The following NOTCH1 variants were observed in gnomAD, a reference collection of about 807,000 sequenced individuals.
NOTCH1 encodes the protein notch receptor 1.
Under a neutral mutation model 254.8 loss-of-function variants are expected in NOTCH1, and 37 were observed. The ratio of observed to expected loss-of-function variants is 0.15; its 90% CI spans 0.11 to 0.19. The LOEUF is 0.19. NOTCH1 is among the 10% of genes least tolerant of loss of function. NOTCH1 has a pLI of 1.00. For synonymous variants in NOTCH1, 1,731 were observed against 1,618.1 expected, an observed-to-expected ratio of 1.07 and a Z score of -1.68; for missense variants, 2,972 against 3,708.6, an observed-to-expected ratio of 0.80 and a Z score of 5.16.
At chr9:136,514,460 C>T (rs2133360145) in intron 13 of NOTCH1, 50 bp downstream of exon 13, 1 of 1,532,246 alleles carries the variant, frequency 6.5e-7, no homozygotes. Flanking sequence ...GGCAGCAGAG[C>T]TCCCAGGGTT....
At chr9:136,521,977 C>CTT (rs60668167) in intron 4 of NOTCH1, among the ~76,000 whole-genome samples, 25 of 141,046 alleles carry the variant, frequency 1.8e-4, no homozygotes, top group South Asian at 4.5e-4. Context: ...TTTCTCTTCA[C>CTT]TTTTTTTTTT....
In NOTCH1 at chr9:136,518,658, G is replaced by A. The variant is rs750045502; in HGVS notation, c.1032C>T (p.Cys344=). 1.9e-6 allele frequency: 3 copies of A among 1,612,204 alleles called. No individual in the cohort carries two copies. The highest frequency in any genetic ancestry group is 2.2e-5 in the East Asian group (1 of 44,868). The change falls in exon 6 of 34, where the codon TGC becomes TGT. Residue 344 remains cysteine (C), a synonymous_variant. Transcript: ENST00000651671. ...ENIDDCASAA[C]FHGATCHDRV... ...GGTCATGGCAGGTGGCGCCGTGGAA[G>A]CAGGCGGCGCTGGCACAGTCATCAA...
At chr9:136,499,670 C>T (rs1308005995) in intron 31 of NOTCH1, among the ~76,000 whole-genome samples, 2 of 115,314 alleles carry the variant, frequency 1.7e-5, no homozygotes, top group East Asian at 1.7e-3. Context: ...CGGCTCTGCC[C>T]AGAGAGGGGG....
Position 136,496,456 on chromosome 9 carries a change from T to A in NOTCH1, c.7283A>T (p.His2428Leu), listed in dbSNP as rs1362972799. 6.2e-7 allele frequency: 1 copy of A among 1,600,386 alleles called. No individual in the cohort carries two copies. The highest frequency in any genetic ancestry group is 1.1e-5 in the South Asian group (1 of 91,074). The change falls in exon 34 of 34, where the codon CAC (histidine) becomes CTC (leucine). Residue 2428 changes from histidine (H) to leucine (L), a missense_variant. By Grantham distance (99) the His-to-Leu change is moderately conservative. This residue lies in a region of NOTCH1 where 529 missense variants were observed against 529.2 expected (regional missense o/e 1.00). Transcript: ENST00000651671. ...HLGVSSAASG[H>L]LGRSFLSGEP... ...TCCACTCAGGAAGCTCCGGCCCAGG[T>A]GGCCGCTGGCTGCTGAGCTCACGCC...
chr9:136,524,384 G>A (rs1843425708), intron 2 of NOTCH1, among the ~76,000 whole-genome samples: 1 of 152,220 alleles, frequency 6.6e-6, no homozygotes, highest in African/African-American at 2.4e-5. Context: ...AACCCAGCTT[G>A]GACTCCACAG....
At chr9:136,505,247 G>C in intron 25 of NOTCH1, 63 bp downstream of exon 25, 1 of 1,535,548 alleles carries the variant, frequency 6.5e-7, no homozygotes, top group Non-Finnish European at 8.8e-7. Flanking sequence ...TGGCCTCCGG[G>C]CCCAAGCCAG....
intron 2 of NOTCH1, chr9:136,543,261 C>A: frequency 5.1e-6 from 1 of 195,144 alleles, no homozygotes; most frequent in Non-Finnish European, 1.1e-5. Flanking sequence ...CAGGAAGTAT[C>A]ACCTGTGCCT....
At chr9:136,541,855 T>C (rs528010067) in intron 2 of NOTCH1, among the ~76,000 whole-genome samples, 4 of 152,306 alleles carry the variant, frequency 2.6e-5, no homozygotes, top group African/African-American at 9.6e-5. Flanking sequence ...CATCTTCTCG[T>C]TGGACTTGTG....
At chr9:136,524,071 C>A in intron 2 of NOTCH1, 92 bp from the exon 3 acceptor site, 2 of 1,484,696 alleles carry the variant, frequency 1.3e-6, no homozygotes, top group Non-Finnish European at 1.8e-6. Context: ...GGCACAGCCG[C>A]CTCCCCCCAC....
intron 30 of NOTCH1, among the ~76,000 whole-genome samples, chr9:136,501,087 T>C (rs1051788436): frequency 6.6e-6 from 1 of 152,196 alleles, no homozygotes; most frequent in African/African-American, 2.4e-5. Context: ...GCCCAAGACC[T>C]GGCACCCAAA....
Position 136,497,167 on chromosome 9 carries a change from A to G in NOTCH1, c.6572T>C (p.Leu2191Pro), listed in dbSNP as rs775585772. Residue 2191 changes from leucine to proline, a missense_variant, in exon 34 of 34, where the codon CTG (leucine) becomes CCG (proline). Around this residue, in one of 8 missense-constraint regions of NOTCH1, gnomAD observed 529 missense variants for 529.2 expected, o/e 1.00. Coordinates refer to ENST00000651671, the MANE Select transcript of NOTCH1 (RefSeq NM_017617.5). Reference protein sequence around the residue: ...KKSQDGKGCLLDSSGMLSPVD... With the variant: ...KKSQDGKGCLPDSSGMLSPVD... ...GGGCGAGAGCATGCCGGAGCTGTCCAGCAGGCAGCCCTTGCCGTCCTGGGA... is the reference window on the plus strand; with the variant it reads ...GGGCGAGAGCATGCCGGAGCTGTCCGGCAGGCAGCCCTTGCCGTCCTGGGA... The G allele has an allele frequency of 1.9e-6, 3 of 1,612,798 alleles. No homozygotes were observed. Among genetic ancestry groups the G allele is most frequent in the Non-Finnish European group, 2.5e-6 (3 of 1,179,952 alleles).
intron 2 of NOTCH1, chr9:136,543,343 A>AC: frequency 4.4e-6 from 1 of 226,012 alleles, no homozygotes. Flanking sequence ...AGGAGGTATC[A>AC]CCACCCAGAG....
rs752428699 is a variant in NOTCH1, at chr9:136,496,112, T to A, written c.7627A>T (p.Met2543Leu). Residue 2543 changes from methionine (M) to leucine (L), a missense_variant, in exon 34 of 34, where the codon ATG (methionine) becomes TTG (leucine). Physicochemically the swap from Met to Leu is conservative, Grantham distance 15. Coordinates refer to ENST00000651671, the MANE Select transcript of NOTCH1 (RefSeq NM_017617.5). ...GGAATGCGGGCGATCTGGGACTGCATGCTGGTGGGAGGGCTGGAGACGCCC... is the reference window on the plus strand; with the variant it reads ...GGAATGCGGGCGATCTGGGACTGCAAGCTGGTGGGAGGGCTGGAGACGCCC... ...SEGVSSPPTSMQSQIARIPEA... is the reference protein window; with the variant it reads ...SEGVSSPPTSLQSQIARIPEA... The A allele has an allele frequency of 6.2e-7, 1 of 1,609,132 alleles. No homozygotes were observed. Among genetic ancestry groups the A allele is most frequent in the Non-Finnish European group, 8.5e-7 (1 of 1,179,434 alleles).
In NOTCH1 at chr9:136,508,920, C is replaced by T. The variant is rs375260339; in HGVS notation, c.3121G>A (p.Gly1041Ser). The T allele has an allele frequency of 2.5e-5, 38 of 1,549,038 alleles. 1 individual carries two copies. The highest frequency in any genetic ancestry group is 4.3e-4 in the Middle Eastern group (2 of 4,608). ...TGGGGGCAGGTGCACCTGTAGGAGCCGCAGCCGTCCTGACAGGTGCCGCCA... is the reference window on the plus strand; with the variant it reads ...TGGGGGCAGGTGCACCTGTAGGAGCTGCAGCCGTCCTGACAGGTGCCGCCA... The part of the protein sequence containing the change: ...LHGGTCQDGC[G>S]SYRCTCPQGY... Residue 1041 changes from glycine (G) to serine (S), a missense_variant, in exon 19 of 34, where the codon GGC becomes AGC. This residue lies in a region of NOTCH1 where 1,343 missense variants were observed against 1,557.0 expected (regional missense o/e 0.86). Coordinates refer to ENST00000651671, the MANE Select transcript of NOTCH1 (RefSeq NM_017617.5).
At position 136,506,628 on chromosome 9, in the gene NOTCH1, C is replaced by T. The variant is rs775602958; in HGVS notation, c.3913G>A (p.Glu1305Lys). ...CRAGHTGRRCESVINGCKGKP... is the reference protein window; with the variant it reads ...CRAGHTGRRCKSVINGCKGKP... Reference sequence around the variant, plus strand: ...CCTTTGCAGCCATTGATGACGGACTCGCAGCGGCGCCCTAGGGGTAAGAGC... The same window carrying T: ...CCTTTGCAGCCATTGATGACGGACTTGCAGCGGCGCCCTAGGGGTAAGAGC... The change falls in exon 24 of 34, where the codon GAG becomes AAG. Residue 1305 changes from glutamate to lysine, a missense_variant. Physicochemically the swap from Glu to Lys is moderately conservative, Grantham distance 56. Transcript: ENST00000651671. The surrounding 1 kb of genome is among the most constrained non-coding windows in gnomAD (Gnocchi z 4.5). 5 of 1,607,814 alleles carry T rather than the reference C, an allele frequency of 3.1e-6. No homozygotes were observed. The highest frequency in any genetic ancestry group is 2.2e-5 in the East Asian group (1 of 44,714).
Position 136,513,614 on chromosome 9 carries a change from A to G in NOTCH1, c.2208-77T>C. On this transcript the variant is annotated intron_variant, in intron 13 of 33. Coordinates refer to ENST00000651671, the MANE Select transcript of NOTCH1 (RefSeq NM_017617.5). The surrounding 1 kb of genome is among the most constrained non-coding windows in gnomAD (Gnocchi z 4.7). The stretch of plus-strand genomic sequence containing the variant: ...GGGCCTGGGCACTCCCGGGTCTGCA[A>G]TGCCCTATGGGCTGGCGGAGGTGCC... 6.5e-7 allele frequency: 1 copy of G among 1,548,340 alleles called. No individual in the cohort carries two copies.
rs2133347765 is a variant in NOTCH1, at chr9:136,508,385, T to C, written c.3172A>G (p.Asn1058Asp). Reference protein sequence around the residue: ...PQGYTGPNCQNLVHWCDSSPC... With the variant: ...PQGYTGPNCQDLVHWCDSSPC... ...GAGGAGTCACACCAGTGCACAAGGT[T>C]CTGGGGACAGATTGGGGTCAGCTGG... Residue 1058 changes from asparagine (N) to aspartate (D), a missense_variant and splice_region_variant, in exon 20 of 34, where the codon AAC becomes GAC. Coordinates refer to ENST00000651671, the MANE Select transcript of NOTCH1 (RefSeq NM_017617.5). 6.2e-7 allele frequency: 1 copy of C among 1,613,174 alleles called. No homozygotes were observed. Among genetic ancestry groups the C allele is most frequent in the Non-Finnish European group, 8.5e-7 (1 of 1,179,986 alleles).
At chr9:136,509,646 C>T (rs1220371688) in intron 18 of NOTCH1, 87 bp downstream of exon 18, 33 of 1,238,892 alleles carry the variant, frequency 2.7e-5, no homozygotes, top group South Asian at 6.1e-5. Context: ...CCTAGGCGGA[C>T]GCCTGCATGG....
At chr9:136,510,592 G>A (rs1843163600) in intron 17 of NOTCH1, 61 bp downstream of exon 17, 5 of 1,560,888 alleles carry the variant, frequency 3.2e-6, no homozygotes, top group Non-Finnish European at 4.3e-6. Context: ...CACCAACCCT[G>A]CCCGGGGGAA....
Sources: gnomAD v4.1 joint callset for allele counts (sites outside exome capture counted in the v4.1 genomes callset) on GRCh38, gnomAD v4.1.1 for gene constraint, gnomAD v4.1.1 regional missense constraint, Gnocchi (gnomAD v3.1) non-coding constraint, MANE v1.5 for transcripts, NCBI Gene and HGNC (gene_info 2026-07-23, HGNC 2026-07-21) for gene names.